Variants in GLYATL1 observed in about 807,000 individuals in gnomAD.
The protein encoded by GLYATL1 is glycine N-acyltransferase-like protein 1.
A neutral mutation model predicts 20.0 loss-of-function variants in GLYATL1; 15 were observed. The observed-to-expected ratio is 0.75, with a 90% confidence interval of 0.50 to 1.15. GLYATL1 has a LOEUF of 1.15. GLYATL1 is among the 50% of genes most tolerant of loss of function. The pLI is 0.00. For missense variants in GLYATL1, 380 were observed against 368.5 expected, an observed-to-expected ratio of 1.03 and a Z score of -0.26; for synonymous variants, 151 against 131.5, an observed-to-expected ratio of 1.15 and a Z score of -1.01.
chr11:58,907,370 C>A (rs780259146), exon 2 of GLYATL1: 14 of 456,300 alleles, frequency 3.1e-5, no homozygotes, highest in South Asian at 2.2e-4. Context: ...GAATCCCTCA[C>A]GGTAGTCTGC....
At chr11:58,943,208 T>G in intron 1 of GLYATL1, 1 of 1,417,534 alleles carries the variant, frequency 7.1e-7, no homozygotes, top group Non-Finnish European at 9.2e-7. Flanking sequence ...CAGACAAAAT[T>G]GAAAACCTAA....
rs561834926 is a variant in GLYATL1 at position 58,918,598 on chromosome 11, C to T, written n.264+12937C>T. ...AAAGCAAAGATTAGCATTCTTACAC[C>T]CAGAATGGGCAGAAGAGGTGTTTTC... On this transcript the variant is annotated intron_variant and non_coding_transcript_variant, in intron 1 of 2. Coordinates refer to the GLYATL1 transcript ENST00000534674. Among the ~76,000 whole-genome samples the T allele has an allele frequency of 3.9e-5, 6 of 152,198 alleles. No individual in the cohort carries two copies. The East Asian group carries it at 1.2e-3, about 29-fold the overall frequency.
intron 1 of GLYATL1, among the ~76,000 whole-genome samples, chr11:58,933,143 A>G (rs1855676200): frequency 6.6e-6 from 1 of 152,184 alleles, no homozygotes; most frequent in Admixed American, 6.5e-5. Context: ...ATTAAATTTT[A>G]TGACTCTGGT....
chr11:58,911,439 C>T (rs1398160919), downstream of GLYATL1, among the ~76,000 whole-genome samples: 7 of 152,148 alleles, frequency 4.6e-5, no homozygotes, highest in Non-Finnish European at 8.8e-5. Flanking sequence ...ATTTTGCATC[C>T]TCGCTACCAA....
chr11:58,955,740 G>T lies in GLYATL1; in HGVS notation c.622G>T (p.Ala208Ser), dbSNP rs779789611. ...IKRCIEDLPA[A>S]CMLGPEGVPV... ...GCGCTGCATAGAAGACCTGCCAGCA[G>T]CCTGTATGCTCGGCCCAGAGGGAGT... The change falls in exon 7 of 7, where the codon GCC becomes TCC. Residue 208 changes from alanine (A) to serine (S), a missense_variant. Ala to Ser is a moderately conservative substitution (Grantham distance 99). Coordinates refer to ENST00000532726, the MANE Select transcript of GLYATL1 (RefSeq NM_001389712.2). 1.9e-5 allele frequency: 31 copies of T among 1,614,218 alleles called. No homozygotes were observed. The South Asian group carries it at 3.3e-4, about 17-fold the overall frequency.
intron 1 of GLYATL1, among the ~76,000 whole-genome samples, chr11:58,918,695 C>T (rs1276155628): frequency 1.3e-5 from 2 of 152,162 alleles, no homozygotes; most frequent in African/African-American, 4.8e-5. Context: ...AGTTATTGGG[C>T]CTAAAATTTC....
intron 1 of GLYATL1, 112 bp from the exon 2 acceptor site, chr11:58,943,431 C>G: frequency 6.5e-7 from 1 of 1,526,972 alleles, no homozygotes; most frequent in Non-Finnish European, 8.8e-7. Flanking sequence ...CGAGGCACCC[C>G]CGGAGCCTCG....
At chr11:58,927,007 C>A (rs1407123672), upstream of GLYATL1, among the ~76,000 whole-genome samples, 1 of 152,202 alleles carries the variant, frequency 6.6e-6, no homozygotes, top group Non-Finnish European at 1.5e-5. Context: ...GTCATTCATG[C>A]ATGTTTTGGC....
downstream of GLYATL1, among the ~76,000 whole-genome samples, chr11:58,909,306 A>C (rs565655554): frequency 6.6e-6 from 1 of 152,332 alleles, no homozygotes; most frequent in East Asian, 1.9e-4. Flanking sequence ...ATAAGTTCTC[A>C]AGATCTGTAC....
chr11:58,940,958 C>A (rs1856097291), intron 1 of GLYATL1, among the ~76,000 whole-genome samples: 1 of 152,046 alleles, frequency 6.6e-6, no homozygotes, highest in African/African-American at 2.4e-5. Context: ...AAGAGCGAGA[C>A]CCTGTCAAAA....
intron 2 of GLYATL1, among the ~76,000 whole-genome samples, chr11:58,946,015 A>T (rs948989851): frequency 1.3e-5 from 2 of 152,206 alleles, no homozygotes; most frequent in Admixed American, 1.3e-4. Context: ...AAAATTTCAA[A>T]AATCTGTGTT....
chr11:58,907,192 CCT>C (rs1344056279), intron 1 of GLYATL1: 11 of 454,152 alleles, frequency 2.4e-5, no homozygotes, highest in Non-Finnish European at 4.9e-5. Flanking sequence ...TTAGGGGAAA[CCT>C]CTTCATATAT....
chr11:58,931,361 C>T (rs186394044), intron 1 of GLYATL1, among the ~76,000 whole-genome samples: 46 of 152,168 alleles, frequency 3.0e-4, no homozygotes, highest in African/African-American at 1.0e-3. Flanking sequence ...ATGTATATCC[C>T]GATAAGGTCA....
Position 58,947,137 on chromosome 11 carries a change from TGGC to T in GLYATL1, c.51_53del (p.Leu17_Ala18delinsPhe), listed in dbSNP as rs1313531393. 1 of 1,613,874 alleles carries T rather than the reference TGGC, an allele frequency of 6.2e-7. No individual in the cohort carries two copies. Among genetic ancestry groups the T allele is most frequent in the Non-Finnish European group, 8.5e-7 (1 of 1,179,730 alleles). The stretch of plus-strand genomic sequence containing the variant: ...AAGCTGCTGGCCCTATACAAATCCT[TGGC>T]CAGGAGCATCCCTGAGTCCCTGAAG... On this transcript the variant is annotated inframe_deletion, in exon 3 of 7. Coordinates refer to ENST00000532726, the MANE Select transcript of GLYATL1 (RefSeq NM_001389712.2).
chr11:58,906,268 A>G (rs1453407481), intron 1 of GLYATL1, among the ~76,000 whole-genome samples: 1 of 152,202 alleles, frequency 6.6e-6, no homozygotes, highest in African/African-American at 2.4e-5. Flanking sequence ...TCAGCTTCAA[A>G]GGCCAAGAGT....
chr11:58,912,021 G>A (rs1282047616), downstream of GLYATL1, among the ~76,000 whole-genome samples: 1 of 152,174 alleles, frequency 6.6e-6, no homozygotes, highest in African/African-American at 2.4e-5. Context: ...TTGTGTGTTT[G>A]TGTAAATTGT....
At chr11:58,940,566 A>T (rs1856068442) in intron 1 of GLYATL1, among the ~76,000 whole-genome samples, 1 of 152,246 alleles carries the variant, frequency 6.6e-6, no homozygotes, top group African/African-American at 2.4e-5. Flanking sequence ...AACAAGTCCA[A>T]AGTATTTTTC....
At chr11:58,943,763 C>G in intron 2 of GLYATL1, 97 bp downstream of exon 2, 1 of 1,525,266 alleles carries the variant, frequency 6.6e-7, no homozygotes, top group Middle Eastern at 2.2e-4. Context: ...GGTTTGGAGT[C>G]ACAACAGGAA....
intron 1 of GLYATL1, 197 bp from the exon 2 acceptor site, chr11:58,943,346 C>T: frequency 2.6e-6 from 4 of 1,550,016 alleles, no homozygotes; most frequent in Non-Finnish European, 2.6e-6. Context: ...TGTAACCAAT[C>T]TCTTTGTTTC....
Sources: allele counts gnomAD v4.1 joint callset (sites outside exome capture counted in the v4.1 genomes callset), GRCh38; gene constraint gnomAD v4.1.1; transcripts MANE v1.5; gene names NCBI Gene and HGNC (gene_info 2026-07-23, HGNC 2026-07-21).